Variants in MIEF1 observed in about 807,000 individuals in gnomAD.
The protein encoded by MIEF1 is mitochondrial dynamics protein MIEF1.
MIEF1 carries 14 observed loss-of-function variants against 35.1 expected under a neutral mutation model. The observed-to-expected ratio is 0.40, with a 90% confidence interval of 0.26 to 0.62. The LOEUF (loss-of-function observed/expected upper bound fraction) is 0.62, where lower values mean the gene tolerates loss of function less well. MIEF1 is among the 20% of genes least tolerant of loss of function. The probability of loss-of-function intolerance (pLI) is 0.43; values close to 1 mark genes in which losing one functional copy is unlikely to be tolerated. For synonymous variants in MIEF1, 245 were observed against 254.3 expected, an observed-to-expected ratio of 0.96 and a Z score of 0.35; for missense variants, 542 against 615.4, an observed-to-expected ratio of 0.88 and a Z score of 1.26.
chr22:39,500,635 C>T (rs1929656847), upstream of MIEF1: 1 of 151,774 alleles, frequency 6.6e-6, no homozygotes, highest in African/African-American at 2.4e-5. Flanking sequence ...AAGCTTCTTT[C>T]CTTCTTAGCT....
Position 39,512,037 on chromosome 22 carries a change from C to G in MIEF1, c.322+11C>G. On this transcript the variant is annotated intron_variant, in intron 4 of 5. Transcript: ENST00000325301. ...CCACCTTCGACACAGGTGAGAAGGG[C>G]TGCTGCCCCTCCTGGGACCTCTCTG... 6.2e-7 allele frequency: 1 copy of G among 1,607,968 alleles called. No individual in the cohort carries two copies. Among genetic ancestry groups the G allele is most frequent in the Non-Finnish European group, 8.5e-7 (1 of 1,176,480 alleles).
At position 39,513,778 on chromosome 22, in the gene MIEF1, T is replaced by A; in HGVS notation, c.847T>A (p.Leu283Met). 6.2e-7 allele frequency: 1 copy of A among 1,614,090 alleles called. No individual in the cohort carries two copies. The highest frequency in any genetic ancestry group is 1.1e-5 in the South Asian group (1 of 91,080). The change falls in exon 6 of 6, where the codon TTG (leucine) becomes ATG (methionine). Residue 283 changes from leucine (L) to methionine (M), a missense_variant. Physicochemically the swap from Leu to Met is conservative, Grantham distance 15. Coordinates refer to ENST00000325301, the MANE Select transcript of MIEF1 (RefSeq NM_019008.6). ...CAATTGGCCAGCCATAGGGTCCCTCTTGGACTATGTGATCCGCCCGGCCCC... is the reference window on the plus strand; with the variant it reads ...CAATTGGCCAGCCATAGGGTCCCTCATGGACTATGTGATCCGCCCGGCCCC... ...SINWPAIGSL[L>M]DYVIRPAPPP...
At chr22:39,501,413 G>A (rs187564549), upstream of MIEF1, among the ~76,000 whole-genome samples, 43 of 152,342 alleles carry the variant, frequency 2.8e-4, no homozygotes, top group Non-Finnish European at 5.1e-4. Context: ...GGCTGGGTGA[G>A]GTTAGGAAAC....
In MIEF1 at chr22:39,515,351, C is replaced by T. The variant is rs1429391460; in HGVS notation, c.*1028C>T. The T allele has an allele frequency of 4.2e-6, 3 of 717,526 alleles. No homozygotes were observed. Among genetic ancestry groups the T allele is most frequent in the Non-Finnish European group, 7.8e-6 (3 of 385,040 alleles). 44.4% of individuals were successfully genotyped at this position (717,526 alleles called of 1,614,324 possible). A position where few individuals can be genotyped will look rare whatever the true frequency, so the allele number is the denominator to read the frequency against. On this transcript the variant is annotated 3_prime_UTR_variant, in exon 6 of 6. Transcript: ENST00000325301. ...GGGGTTTGGTGGCCATGTTTTCTAC[C>T]CAGACAGGCCCTGCTTTTCTAGGAT...
chr22:39,513,399 C>T (rs938828053), intron 5 of MIEF1, 118 bp from the exon 6 acceptor site: 37 of 1,093,306 alleles, frequency 3.4e-5, no homozygotes, highest in Middle Eastern at 2.5e-4. Flanking sequence ...CCACTGCGCC[C>T]GGCCTAGAGT....
At chr22:39,505,316 C>T (rs1227608783) in intron 2 of MIEF1, among the ~76,000 whole-genome samples, 1 of 151,812 alleles carries the variant, frequency 6.6e-6, no homozygotes, top group Non-Finnish European at 1.5e-5. Context: ...TCCTGAGTAG[C>T]TGGGACGCCA....
At chr22:39,508,285 C>A (rs560877078) in intron 2 of MIEF1, among the ~76,000 whole-genome samples, 5 of 152,122 alleles carry the variant, frequency 3.3e-5, no homozygotes, top group Non-Finnish European at 7.3e-5. Flanking sequence ...ACTCTAAAAC[C>A]CACGCTCTGT....
chr22:39,503,257 G>A (rs1363063984), intron 1 of MIEF1: 1 of 152,214 alleles, frequency 6.6e-6, no homozygotes, highest in Non-Finnish European at 1.5e-5. Context: ...TTCCCTCTGG[G>A]AGATTGTTTC....
chr22:39,514,426 T>C lies in MIEF1; in HGVS notation c.*103T>C, dbSNP rs1368530597. On this transcript the variant is annotated 3_prime_UTR_variant, in exon 6 of 6. Coordinates refer to ENST00000325301, the MANE Select transcript of MIEF1 (RefSeq NM_019008.6). ...GCCTCACAGGGTTCCTGCTGCCTGG[T>C]GTCTTGCTGATCATCACCCTGGTCA... 21 of 1,144,524 alleles carry C rather than the reference T, an allele frequency of 1.8e-5. No homozygotes were observed. Among genetic ancestry groups the C allele is most frequent in the Middle Eastern group, 5.9e-4 (2 of 3,382 alleles). 70.9% of individuals were successfully genotyped at this position (1,144,524 alleles called of 1,614,324 possible).
intron 5 of MIEF1, 86 bp from the exon 6 acceptor site, chr22:39,513,431 A>G (rs547595080): frequency 6.1e-6 from 8 of 1,319,148 alleles, no homozygotes; most frequent in East Asian, 4.7e-5. Flanking sequence ...CTGGGGGGGA[A>G]TGTAAGATGG....
rs1245394195 is a variant in MIEF1 at position 39,511,305 on chromosome 22, C to T, written c.11C>T (p.Ala4Val). ...ATTCTCAGATGAGCAATGGCAGGCG[C>T]TGGTGAGCGCAAAGGCAAGAAGGAT... MAG[A>V]GERKGKKDDN... The change falls in exon 3 of 6, where the codon GCT (alanine) becomes GTT (valine). Residue 4 changes from alanine to valine, a missense_variant. Transcript: ENST00000325301. 2 of 1,613,784 alleles carry T rather than the reference C, an allele frequency of 1.2e-6. No homozygotes were observed. The highest frequency in any genetic ancestry group is 2.2e-5 in the East Asian group (1 of 44,850).
chr22:39,515,361 C>G lies in MIEF1; in HGVS notation c.*1038C>G. Reference sequence around the variant, plus strand: ...GGCCATGTTTTCTACCCAGACAGGCCCTGCTTTTCTAGGATGTGGCCTTAG... The same window carrying G: ...GGCCATGTTTTCTACCCAGACAGGCGCTGCTTTTCTAGGATGTGGCCTTAG... On this transcript the variant is annotated 3_prime_UTR_variant, in exon 6 of 6. Coordinates refer to ENST00000325301, the MANE Select transcript of MIEF1 (RefSeq NM_019008.6). 1 of 717,294 alleles carries G rather than the reference C, an allele frequency of 1.4e-6. No homozygotes were observed. The highest frequency in any genetic ancestry group is 1.5e-5 in the South Asian group (1 of 67,568). The allele number at this position is 717,294 out of a possible 1,614,324, so 44.4% of individuals were successfully genotyped here.
At chr22:39,501,223 C>T (rs1180898334), upstream of MIEF1, among the ~76,000 whole-genome samples, 1 of 152,214 alleles carries the variant, frequency 6.6e-6, no homozygotes, top group Admixed American at 6.5e-5. Flanking sequence ...CACTGGCTTT[C>T]TCCCTGTGGC....
At chr22:39,511,231 G>C in intron 2 of MIEF1, 57 bp from the exon 3 acceptor site, 1 of 1,606,928 alleles carries the variant, frequency 6.2e-7, no homozygotes, top group Non-Finnish European at 8.5e-7. Flanking sequence ...GGCTTGTTAG[G>C]GGAGGGAGGT....
chr22:39,509,656 C>T (rs1417343618), intron 2 of MIEF1: 1 of 151,792 alleles, frequency 6.6e-6, no homozygotes, highest in Non-Finnish European at 1.5e-5. Flanking sequence ...TCTGCAGTGT[C>T]CTTTGTGTTT....
rs916891138 is a variant in MIEF1, at chr22:39,513,376, T to C, written c.586-141T>C. 46 of 846,684 alleles carry C rather than the reference T, an allele frequency of 5.4e-5. 1 individual carries two copies. Among genetic ancestry groups the C allele is most frequent in the Non-Finnish European group, 7.9e-5 (44 of 556,098 alleles). The allele number at this position is 846,684 out of a possible 1,614,324, so 52.4% of individuals were successfully genotyped here. ...GCCTCAGCTTCCCACAGTGCTGAGA[T>C]TACAGGCATGGGCCACTGCGCCCGG... On this transcript the variant is annotated intron_variant, in intron 5 of 5. Transcript: ENST00000325301.
intron 5 of MIEF1, among the ~76,000 whole-genome samples, chr22:39,513,073 G>C (rs1930444009): frequency 1.3e-5 from 2 of 150,954 alleles, no homozygotes; most frequent in Admixed American, 1.3e-4. Flanking sequence ...TTCTCACTCT[G>C]TGTAGATTGC....
At chr22:39,512,925 A>G (rs2070102500) in intron 5 of MIEF1, among the ~76,000 whole-genome samples, 1 of 152,212 alleles carries the variant, frequency 6.6e-6, no homozygotes, top group Non-Finnish European at 1.5e-5. Flanking sequence ...CTGGGATTAC[A>G]GGCGTGAGCC....
intron 1 of MIEF1, among the ~76,000 whole-genome samples, chr22:39,502,734 C>T (rs1043171639): frequency 3.3e-5 from 5 of 152,244 alleles, no homozygotes; most frequent in African/African-American, 9.6e-5. Context: ...TGGGGCTCAG[C>T]CGCCCAGTCG....
Sources: gnomAD v4.1 joint callset for allele counts (sites outside exome capture counted in the v4.1 genomes callset) on GRCh38, gnomAD v4.1.1 for gene constraint, MANE v1.5 for transcripts, NCBI Gene and HGNC (gene_info 2026-07-23, HGNC 2026-07-21) for gene names.